Variants in DCAF5 observed in about 807,000 individuals in gnomAD.
DCAF5 encodes DDB1 and CUL4 associated factor 5.
In DCAF5, 9 loss-of-function variants were observed where a neutral mutation model predicts 80.7. The ratio of observed to expected loss-of-function variants is 0.11; its 90% CI spans 0.07 to 0.19. The LOEUF is 0.19. Ranked by LOEUF, DCAF5 falls within the 10% of genes least tolerant of loss-of-function variation. The probability of loss-of-function intolerance (pLI) is 1.00; values close to 1 mark genes in which losing one functional copy is unlikely to be tolerated. For missense variants in DCAF5, 842 were observed against 1,205.7 expected (o/e 0.70, Z 4.47); for synonymous variants, 433 against 461.9 (o/e 0.94, Z 0.80).
intron 6 of DCAF5, among the ~76,000 whole-genome samples, chr14:69,086,219 G>A (rs897850410): frequency 1.3e-5 from 2 of 152,064 alleles, no homozygotes; most frequent in South Asian, 2.1e-4. Context: ...TTAACCGGGC[G>A]TGGTGGCGCG....
intron 6 of DCAF5, 120 bp downstream of exon 6, chr14:69,091,554 A>C (rs2039534178): frequency 1.1e-6 from 1 of 908,352 alleles, no homozygotes; most frequent in Non-Finnish European, 1.7e-6. Flanking sequence ...CCAGGCACTC[A>C]CTGTTTCCCC....
chr14:69,080,747 A>G (rs530640002), intron 6 of DCAF5, among the ~76,000 whole-genome samples: 129 of 152,244 alleles, frequency 8.5e-4, no homozygotes, highest in Non-Finnish European at 1.6e-3. Context: ...CAAAATTCCT[A>G]TGTTTCATAT....
chr14:69,131,707 C>CA (rs1369791323), intron 1 of DCAF5, among the ~76,000 whole-genome samples: 1 of 150,836 alleles, frequency 6.6e-6, no homozygotes, highest in African/African-American at 2.4e-5. Flanking sequence ...CCTAGCATTC[C>CA]AAATGAGGAA....
chr14:69,071,424 C>T (rs1026266640), intron 7 of DCAF5, among the ~76,000 whole-genome samples: 1 of 152,130 alleles, frequency 6.6e-6, no homozygotes, highest in African/African-American at 2.4e-5. Flanking sequence ...TCTCAGCACT[C>T]GGCACGCACA....
At chr14:69,111,279 T>C (rs28613298) in intron 5 of DCAF5, among the ~76,000 whole-genome samples, 47,627 of 152,118 alleles carry the variant, frequency 0.31, 9,553 homozygotes, top group East Asian at 0.9. Flanking sequence ...GACAGTTAAC[T>C]GAGAGGTCCC....
rs1555374885 is a variant in DCAF5 at position 69,105,939 on chromosome 14, A to ATCTATCTATC, written c.665+10426_665+10427insGATAGATAGA. ...CATATATATATATATATATATATAT[A>ATCTATCTATC]TATATATCTCCTATTGGTTCTGTTC... On this transcript the variant is annotated intron_variant, in intron 5 of 8. Transcript: ENST00000341516. Among the ~76,000 whole-genome samples, 129 of 99,344 alleles carry ATCTATCTATC rather than the reference A, an allele frequency of 1.3e-3. 4 individuals carry two copies. Among genetic ancestry groups the ATCTATCTATC allele is most frequent in the African/African-American group, 4.1e-3 (124 of 30,358 alleles). The allele number at this position is 99,344 out of a possible 152,430, so 65.2% of individuals were successfully genotyped here.
intron 6 of DCAF5, chr14:69,084,223 T>G (rs1477018560): frequency 9.9e-7 from 1 of 1,012,048 alleles, no homozygotes; most frequent in Non-Finnish European, 1.6e-6. Flanking sequence ...TGCATACCTA[T>G]GGGTTGATAA....
chr14:69,140,104 A>G (rs774604566), intron 1 of DCAF5, among the ~76,000 whole-genome samples: 7 of 152,160 alleles, frequency 4.6e-5, no homozygotes, highest in Non-Finnish European at 8.8e-5. Flanking sequence ...CGTCTCTACT[A>G]AAACTACAAA....
chr14:69,092,227 C>T (rs1173976841), intron 5 of DCAF5, among the ~76,000 whole-genome samples: 1 of 152,170 alleles, frequency 6.6e-6, no homozygotes, highest in Non-Finnish European at 1.5e-5. Flanking sequence ...CTCGTCAAGA[C>T]CCTGAGAAGT....
chr14:69,121,281 T>C (rs2040711001), intron 2 of DCAF5, among the ~76,000 whole-genome samples: 1 of 152,106 alleles, frequency 6.6e-6, no homozygotes, highest in African/African-American at 2.4e-5. Context: ...TAGAGAGTGG[T>C]AACAGAAATC....
At chr14:69,063,787 G>A (rs569378982) in intron 7 of DCAF5, among the ~76,000 whole-genome samples, 6 of 152,190 alleles carry the variant, frequency 3.9e-5, no homozygotes, top group South Asian at 2.1e-4. Context: ...TTATTGCCAC[G>A]TACATATCTT....
At position 69,054,026 on chromosome 14, in the gene DCAF5, T is replaced by G. The variant is rs200458341; in HGVS notation, c.2660A>C (p.Glu887Ala). 7.3e-5 allele frequency: 118 copies of G among 1,612,842 alleles called. No homozygotes were observed. In the Middle Eastern group the frequency reaches 1.6e-3, roughly 22 times the overall value. ...AGCATTGGGGGTCTCACAGGCCATT[T>G]CAGACCCGCAACAATCTTTGTGTAG... ...TLLHKDCCGS[E>A]MACETPNAGT... Residue 887 changes from glutamate (E) to alanine (A), a missense_variant, in exon 9 of 9, where the codon GAA becomes GCA. By Grantham distance (107) the Glu-to-Ala change is moderately radical. Transcript: ENST00000341516.
chr14:69,153,193 CCT>C (rs2041762268), upstream of DCAF5: 2 of 398,732 alleles, frequency 5.0e-6, no homozygotes, highest in Non-Finnish European at 8.8e-6. Context: ...CCTCCCTCTG[CCT>C]CTCCGCCTCC....
intron 1 of DCAF5, among the ~76,000 whole-genome samples, chr14:69,148,183 T>C (rs1029499581): frequency 6.8e-6 from 1 of 146,938 alleles, no homozygotes; most frequent in Non-Finnish European, 1.5e-5. Context: ...GAGGAGGCAA[T>C]GAGAGCAATT....
At chr14:69,102,619 C>CACACACACACACACACACAT (rs1325776149) in intron 5 of DCAF5, among the ~76,000 whole-genome samples, 3 of 143,934 alleles carry the variant, frequency 2.1e-5, no homozygotes, top group East Asian at 4.0e-4. Flanking sequence ...CACACACACA[C>CACACACACACACACACACAT]ATATTAGCCT....
chr14:69,138,245 A>G (rs1361186015), intron 1 of DCAF5, among the ~76,000 whole-genome samples: 1 of 152,228 alleles, frequency 6.6e-6, no homozygotes, highest in Non-Finnish European at 1.5e-5. Flanking sequence ...GAAATTCAGC[A>G]TGGGGGAAGT....
At position 69,131,251 on chromosome 14, in the gene DCAF5, C is replaced by A. The variant is rs568715481; in HGVS notation, c.215-8891G>T. On this transcript the variant is annotated intron_variant, in intron 1 of 8. Transcript: ENST00000341516. ...CCCTTTCATATTGCTAAAGTGTTTT[C>A]TTTTCTTTTCTTTTTTTTTAACTGT... Among the ~76,000 whole-genome samples the A allele has an allele frequency of 2.0e-5, 3 of 152,108 alleles. No individual in the cohort carries two copies. In the East Asian group the frequency reaches 5.8e-4, roughly 29 times the overall value.
At chr14:69,128,193 CTTTT>C (rs554746869) in intron 1 of DCAF5, among the ~76,000 whole-genome samples, 3 of 142,054 alleles carry the variant, frequency 2.1e-5, no homozygotes, top group Non-Finnish European at 4.6e-5. Flanking sequence ...TTTTCTTCTT[CTTTT>C]TTTTTTTTTT....
intron 1 of DCAF5, among the ~76,000 whole-genome samples, chr14:69,139,826 CAAA>C (rs553940292): frequency 5.4e-5 from 3 of 55,304 alleles, no homozygotes; most frequent in Admixed American, 2.3e-4. Context: ...GACCCTGTCT[CAAA>C]AAAAAAAAAA....
Sources: allele counts gnomAD v4.1 joint callset (sites outside exome capture counted in the v4.1 genomes callset), GRCh38; gene constraint gnomAD v4.1.1; transcripts MANE v1.5; gene names NCBI Gene and HGNC (gene_info 2026-07-23, HGNC 2026-07-21).